DPP10: variants seen among roughly 807,000 people sequenced by gnomAD.
DPP10 encodes dipeptidyl peptidase like 10.
A neutral mutation model predicts 120.9 loss-of-function variants in DPP10; 33 were observed. The ratio of observed to expected loss-of-function variants is 0.27; its 90% CI spans 0.21 to 0.37. The LOEUF (loss-of-function observed/expected upper bound fraction) is 0.37. Among genes scored for constraint, DPP10 ranks in the 10% least tolerant of loss-of-function variants. The pLI, the probability that DPP10 is intolerant of heterozygous loss-of-function variation, is 1.00. For synonymous variants in DPP10, 337 were observed against 326.1 expected, an observed-to-expected ratio of 1.03 and a Z score of -0.36; for missense variants, 816 against 942.8, an observed-to-expected ratio of 0.87 and a Z score of 1.76.
chr2:115,711,884 T>G (rs1337132515), intron 7 of DPP10, among the ~76,000 whole-genome samples: 2 of 151,368 alleles, frequency 1.3e-5, no homozygotes, highest in Non-Finnish European at 2.9e-5. Flanking sequence ...TTTAAGAGTT[T>G]TCCTAGAATA....
Position 114,546,103 on chromosome 2 carries a change from C to A in DPP10, c.60+103265C>A, listed in dbSNP as rs555402841. ...TTCTTGAGAGTCATAATTCAGCATT[C>A]CCCCCTGTATCAGTCCATTTTTTCA... On this transcript the variant is annotated intron_variant, in intron 1 of 25. Coordinates refer to ENST00000410059, the MANE Select transcript of DPP10 (RefSeq NM_020868.6). 2.9e-4 allele frequency among the ~76,000 whole-genome samples: 44 copies of A among 152,170 alleles called. 1 individual carries two copies. In the South Asian group the frequency reaches 9.1e-3, roughly 32 times the overall value.
At chr2:115,797,658 G>T (rs866337687) in intron 19 of DPP10, among the ~76,000 whole-genome samples, 4 of 152,082 alleles carry the variant, frequency 2.6e-5, no homozygotes, top group Middle Eastern at 3.4e-3. Context: ...GAAGAAAAAA[G>T]GCAGTGGCAT....
intron 2 of DPP10, among the ~76,000 whole-genome samples, chr2:115,317,984 G>A (rs2061878199): frequency 6.6e-6 from 1 of 151,892 alleles, no homozygotes; most frequent in South Asian, 2.1e-4. Flanking sequence ...TTCATTGCTT[G>A]TGCTTCTGAT....
At chr2:115,500,773 C>T (rs2076642513) in intron 4 of DPP10, among the ~76,000 whole-genome samples, 1 of 151,904 alleles carries the variant, frequency 6.6e-6, no homozygotes, top group African/African-American at 2.4e-5. Flanking sequence ...CAGCAGATTG[C>T]CTACTGTCTA....
At chr2:115,351,432 A>C (rs1042218631) in intron 3 of DPP10, among the ~76,000 whole-genome samples, 2 of 152,048 alleles carry the variant, frequency 1.3e-5, no homozygotes, top group Non-Finnish European at 2.9e-5. Context: ...TACGTTCACT[A>C]TCTGGGTAAC....
chr2:115,525,066 C>A (rs1390809934), intron 4 of DPP10, among the ~76,000 whole-genome samples: 1 of 152,074 alleles, frequency 6.6e-6, no homozygotes, highest in Non-Finnish European at 1.5e-5. Context: ...ATAAGGTGTG[C>A]ACAATTGTTT....
intron 7 of DPP10, among the ~76,000 whole-genome samples, chr2:115,717,297 T>G (rs537455731): frequency 1.3e-4 from 20 of 152,176 alleles, no homozygotes; most frequent in Non-Finnish European, 2.8e-4. Flanking sequence ...AAAATATTAC[T>G]GGGTGCAGCA....
At chr2:114,955,781 T>C (rs186036588) in intron 1 of DPP10, among the ~76,000 whole-genome samples, 27 of 152,294 alleles carry the variant, frequency 1.8e-4, no homozygotes, top group Non-Finnish European at 3.1e-4. Flanking sequence ...GACGGAAAGA[T>C]GGTTCAACAC....
rs552933813 is a variant in DPP10, at chr2:115,525,878, G to GTTTTTT, written c.367-16_367-11dup. The GTTTTTT allele has an allele frequency of 9.1e-6, 14 of 1,534,676 alleles. No homozygotes were observed. The highest frequency in any genetic ancestry group is 1.4e-5 in the African/African-American group (1 of 71,514). On this transcript the variant is annotated intron_variant, in intron 4 of 25. Transcript: ENST00000410059. ...GTTAAGAAGTTTTTAAATATAACTGGTTTTTTTTTCTTTTTCTAGGTAACC... is the reference window on the plus strand; with the variant it reads ...GTTAAGAAGTTTTTAAATATAACTGGTTTTTTTTTTTTTTTCTTTTTCTAGGTAACC...
chr2:114,529,638 C>T (rs1240771848), intron 1 of DPP10, among the ~76,000 whole-genome samples: 1 of 152,112 alleles, frequency 6.6e-6, no homozygotes, highest in Admixed American at 6.6e-5. Flanking sequence ...TGCCTCCTCC[C>T]ATCCCTAGCC....
At chr2:115,003,462 T>G (rs887874428) in intron 1 of DPP10, among the ~76,000 whole-genome samples, 4 of 151,878 alleles carry the variant, frequency 2.6e-5, no homozygotes, top group Non-Finnish European at 2.9e-5. Context: ...GAAACCCCCA[T>G]GACATGCAGT....
chr2:114,792,990 T>TTGTGTG lies in DPP10; in HGVS notation c.60+350188_60+350193dup, dbSNP rs55780807. Among the ~76,000 whole-genome samples, 1,100 of 143,714 alleles carry TTGTGTG rather than the reference T, an allele frequency of 7.7e-3. 11 individuals are homozygous for TTGTGTG. The highest frequency in any genetic ancestry group is 0.026 in the African/African-American group (982 of 38,170). 94.3% of individuals were successfully genotyped at this position (143,714 alleles called of 152,430 possible). A position where few individuals can be genotyped will look rare whatever the true frequency, so the allele number is the denominator to read the frequency against. ...GTGGACCACCAAGGCAACTGTATTA[T>TTGTGTG]TGTGTGTGTGTGTGTGTGTGTGTGT... On this transcript the variant is annotated intron_variant, in intron 1 of 25. Transcript: ENST00000410059.
At chr2:115,035,254 A>C (rs1704147888) in intron 1 of DPP10, among the ~76,000 whole-genome samples, 1 of 152,122 alleles carries the variant, frequency 6.6e-6, no homozygotes, top group African/African-American at 2.4e-5. Context: ...CTCTTTCCCT[A>C]CCTAGCTCCC....
rs70941039 is a variant in DPP10, at chr2:115,279,655, C to CTTTTTTTT, written c.61-29564_61-29557dup. On this transcript the variant is annotated intron_variant, in intron 1 of 25. Coordinates refer to ENST00000410059, the MANE Select transcript of DPP10 (RefSeq NM_020868.6). ...TTTCTTTCTTTCTTTTTTTCTTCTT[C>CTTTTTTTT]TTTTTTTTTTTTTTTTTTTTTTTTT... Among the ~76,000 whole-genome samples the CTTTTTTTT allele has an allele frequency of 6.6e-3, 283 of 42,720 alleles. 34 individuals carry two copies. The highest frequency in any genetic ancestry group is 9.0e-3 in the African/African-American group (82 of 9,160). The allele number at this position is 42,720 out of a possible 152,430, so 28.0% of individuals were successfully genotyped here. A position where few individuals can be genotyped will look rare whatever the true frequency, so the allele number is the denominator to read the frequency against.
At chr2:115,632,212 T>C (rs1025155591) in intron 5 of DPP10, among the ~76,000 whole-genome samples, 4 of 152,190 alleles carry the variant, frequency 2.6e-5, no homozygotes, top group Admixed American at 1.3e-4. Flanking sequence ...AAGTCTGTTT[T>C]GTCAGAAAAC....
chr2:114,639,824 A>G (rs947396040), intron 1 of DPP10, among the ~76,000 whole-genome samples: 17 of 151,884 alleles, frequency 1.1e-4, no homozygotes, highest in African/African-American at 2.4e-5. Flanking sequence ...TTAGTTGTGA[A>G]ATAATTGTAA....
intron 3 of DPP10, among the ~76,000 whole-genome samples, chr2:115,399,644 A>G (rs777189580): frequency 1.3e-5 from 2 of 152,124 alleles, no homozygotes; most frequent in African/African-American, 4.8e-5. Flanking sequence ...TTTGTAATAT[A>G]TTAATTTATA....
Position 114,563,416 on chromosome 2 carries a change from T to C in DPP10, c.60+120578T>C, listed in dbSNP as rs572052053. On this transcript the variant is annotated intron_variant, in intron 1 of 25. Transcript: ENST00000410059. ...AAAACTTTCAGTGAAATATTAGCTG[T>C]ATGAAGAGAGTGACTACGCTGAAGG... Among the ~76,000 whole-genome samples the C allele has an allele frequency of 4.6e-5, 7 of 151,928 alleles. No homozygotes were observed. The South Asian group carries it at 1.3e-3, about 27-fold the overall frequency.
intron 1 of DPP10, among the ~76,000 whole-genome samples, chr2:114,674,978 G>C (rs1476419936): frequency 6.6e-6 from 1 of 152,154 alleles, no homozygotes; most frequent in Non-Finnish European, 1.5e-5. Context: ...TTCAAAGTTA[G>C]TGTAACCCTT....
Sources: allele counts gnomAD v4.1 joint callset (sites outside exome capture counted in the v4.1 genomes callset), GRCh38; gene constraint gnomAD v4.1.1; transcripts MANE v1.5; gene names NCBI Gene and HGNC (gene_info 2026-07-23, HGNC 2026-07-21).